The following GBE1 variants were observed in gnomAD, a reference collection of about 807,000 sequenced individuals.
GBE1 encodes 1,4-alpha-glucan-branching enzyme.
A neutral mutation model predicts 88.8 loss-of-function variants in GBE1; 70 were observed. The observed-to-expected ratio is 0.79, with a 90% CI of 0.65 to 0.96. The LOEUF (loss-of-function observed/expected upper bound fraction) is 0.96, where lower values mean the gene tolerates loss of function less well. GBE1 is among the 40% of genes least tolerant of loss of function. GBE1 has a pLI of 0.00. For missense variants in GBE1, 872 were observed against 871.0 expected (o/e 1.00, Z -0.01); for synonymous variants, 284 against 300.1 (o/e 0.95, Z 0.56).
At chr3:81,646,662 A>C (rs1335607700) in intron 5 of GBE1, among the ~76,000 whole-genome samples, 180 bp from the exon 6 acceptor site, 1 of 152,184 alleles carries the variant, frequency 6.6e-6, no homozygotes, top group Non-Finnish European at 1.5e-5. Flanking sequence ...AACATTGGAT[A>C]GTCTCTTAGA....
At chr3:81,630,711 C>T (rs372606007) in intron 7 of GBE1, among the ~76,000 whole-genome samples, 1 of 152,100 alleles carries the variant, frequency 6.6e-6, no homozygotes, top group Non-Finnish European at 1.5e-5. Flanking sequence ...ATTTCCAAAA[C>T]GTAATACCTC....
intron 10 of GBE1, 68 bp downstream of exon 10, chr3:81,586,024 A>C (rs1703798654): frequency 1.1e-6 from 1 of 878,372 alleles, no homozygotes; most frequent in Non-Finnish European, 1.8e-6. Flanking sequence ...ACAACTAAGA[A>C]ATAAATTAAA....
At chr3:81,630,680 T>C (rs1242584971) in intron 7 of GBE1, among the ~76,000 whole-genome samples, 2 of 152,196 alleles carry the variant, frequency 1.3e-5, no homozygotes, top group East Asian at 3.8e-4. Flanking sequence ...AGATGTGCCC[T>C]AAGTGTAAAA....
chr3:81,537,219 T>C, intron 12 of GBE1, 124 bp from the exon 13 acceptor site: 1 of 631,056 alleles, frequency 1.6e-6, no homozygotes, highest in Non-Finnish European at 2.4e-6. Context: ...TTACTAGACC[T>C]GTGTCCTGTG....
At chr3:81,701,513 G>T (rs1485013345) in intron 2 of GBE1, among the ~76,000 whole-genome samples, 2 of 147,222 alleles carry the variant, frequency 1.4e-5, no homozygotes, top group Admixed American at 1.4e-4. Context: ...AAATAAGAGG[G>T]TTTTTTTTTT....
chr3:81,679,811 C>T (rs1445335967), intron 2 of GBE1, among the ~76,000 whole-genome samples: 1 of 152,174 alleles, frequency 6.6e-6, no homozygotes, highest in African/African-American at 2.4e-5. Flanking sequence ...TACTTTGTAG[C>T]TCAATACAGG....
chr3:81,737,654 G>T (rs1706286673), intron 1 of GBE1, among the ~76,000 whole-genome samples: 1 of 150,922 alleles, frequency 6.6e-6, no homozygotes, highest in African/African-American at 2.4e-5. Context: ...GTACTTTTAT[G>T]TCTTCTTTTT....
intron 12 of GBE1, among the ~76,000 whole-genome samples, chr3:81,549,379 T>G (rs1703246008): frequency 6.6e-6 from 1 of 151,718 alleles, no homozygotes. Flanking sequence ...GCAATAAGAA[T>G]CTGTTTCCTT....
Position 81,646,385 on chromosome 3 carries a change from A to C in GBE1, c.782+7T>G, listed in dbSNP as rs1704763382. 2 of 1,562,262 alleles carry C rather than the reference A, an allele frequency of 1.3e-6. No homozygotes were observed. The highest frequency in any genetic ancestry group is 1.2e-5 in the South Asian group (1 of 85,062). On this transcript the variant is annotated splice_region_variant and intron_variant, in intron 6 of 15. Coordinates refer to ENST00000429644, the MANE Select transcript of GBE1 (RefSeq NM_000158.4). Reference sequence around the variant, plus strand: ...TAAAAATGAACACAATGAGTCTCTGATTTTACCTGGAAGCTGCAAAGAAGC... The same window carrying C: ...TAAAAATGAACACAATGAGTCTCTGCTTTTACCTGGAAGCTGCAAAGAAGC...
chr3:81,539,421 A>G (rs1243196401), intron 12 of GBE1, among the ~76,000 whole-genome samples: 1 of 151,972 alleles, frequency 6.6e-6, no homozygotes, highest in African/African-American at 2.4e-5. Flanking sequence ...TACATTTTGT[A>G]CCTTATATTG....
chr3:81,750,827 C>T (rs1469062177), intron 1 of GBE1, among the ~76,000 whole-genome samples: 3 of 149,198 alleles, frequency 2.0e-5, no homozygotes, highest in East Asian at 2.0e-4. Context: ...ACTATAGGTG[C>T]GTGCCACCAC....
At chr3:81,493,735 C>T (rs1011693879) in intron 15 of GBE1, among the ~76,000 whole-genome samples, 4 of 151,780 alleles carry the variant, frequency 2.6e-5, no homozygotes, top group African/African-American at 9.7e-5. Flanking sequence ...GGGGTTTCTC[C>T]ATGTTGGTAA....
chr3:81,503,213 C>G (rs1702612483), intron 14 of GBE1, among the ~76,000 whole-genome samples: 1 of 152,102 alleles, frequency 6.6e-6, no homozygotes. Flanking sequence ...TCTTCATGTA[C>G]ATGTGACTCA....
At chr3:81,523,687 CTT>C (rs1405241473) in intron 14 of GBE1, among the ~76,000 whole-genome samples, 1 of 151,646 alleles carries the variant, frequency 6.6e-6, no homozygotes, top group Non-Finnish European at 1.5e-5. Flanking sequence ...CTTCTACTCT[CTT>C]ATCTCCATGA....
intron 1 of GBE1, among the ~76,000 whole-genome samples, chr3:81,706,722 A>G (rs182025976): frequency 6.6e-6 from 1 of 152,294 alleles, no homozygotes; most frequent in East Asian, 1.9e-4. Context: ...AATACTTCAC[A>G]TTATACAACT....
intron 7 of GBE1, among the ~76,000 whole-genome samples, chr3:81,596,989 C>A (rs1213950476): frequency 6.6e-6 from 1 of 151,750 alleles, no homozygotes; most frequent in Admixed American, 6.6e-5. Flanking sequence ...TCCATTTTTC[C>A]TTTTTTGGGG....
Position 81,725,488 on chromosome 3 carries a change from G to A in GBE1, c.144-19875C>T, listed in dbSNP as rs117819042. Among the ~76,000 whole-genome samples the A allele has an allele frequency of 8.9e-4, 136 of 152,200 alleles. 1 individual carries two copies. In the East Asian group the frequency reaches 0.02, roughly 22 times the overall value. The stretch of plus-strand genomic sequence containing the variant: ...GCCTTCTTCTGGAATCCCTCCTGAA[G>A]AGCCTGCCTGAGGATGCTTTATAGT... On this transcript the variant is annotated intron_variant, in intron 1 of 15. Coordinates refer to ENST00000429644, the MANE Select transcript of GBE1 (RefSeq NM_000158.4).
intron 2 of GBE1, among the ~76,000 whole-genome samples, chr3:81,694,295 T>G (rs958798866): frequency 3.9e-5 from 6 of 152,144 alleles, no homozygotes; most frequent in African/African-American, 1.4e-4. Flanking sequence ...AACAAATGAA[T>G]CAAAAATGTT....
At chr3:81,708,074 CAT>C (rs1263076408) in intron 1 of GBE1, among the ~76,000 whole-genome samples, 3 of 151,858 alleles carry the variant, frequency 2.0e-5, no homozygotes, top group Admixed American at 6.6e-5. Flanking sequence ...AAAACAGTAA[CAT>C]AATTTTATAT....
Sources: allele counts gnomAD v4.1 joint callset (sites outside exome capture counted in the v4.1 genomes callset), GRCh38; gene constraint gnomAD v4.1.1; transcripts MANE v1.5; gene names NCBI Gene and HGNC (gene_info 2026-07-23, HGNC 2026-07-21).